Variants in HYDIN observed in about 807,000 individuals in gnomAD.
HYDIN encodes the protein HYDIN axonemal central pair apparatus protein, also known as axonemal central pair apparatus protein HYDIN.
In HYDIN, 132 loss-of-function variants were observed where a neutral mutation model predicts 403.9. The ratio of observed to expected loss-of-function variants is 0.33; its 90% CI spans 0.28 to 0.38. HYDIN has a LOEUF of 0.38. HYDIN is among the 10% of genes least tolerant of loss of function. The pLI is 1.00. For synonymous variants in HYDIN, 1,202 were observed against 1,891.7 expected (o/e 0.64, Z 9.46); for missense variants, 2,827 against 5,009.5 (o/e 0.56, Z 13.15).
chr16:71,061,924 T>C (rs944162760), intron 17 of HYDIN, among the ~76,000 whole-genome samples: 18 of 150,962 alleles, frequency 1.2e-4, no homozygotes, highest in African/African-American at 4.4e-4. Flanking sequence ...GAGAAACTCC[T>C]GGTATCCTGT....
At chr16:70,812,514 T>C (rs2143434226) in intron 84 of HYDIN, among the ~76,000 whole-genome samples, 1 of 152,116 alleles carries the variant, frequency 6.6e-6, no homozygotes, top group African/African-American at 2.4e-5. Flanking sequence ...AATAAGTGAA[T>C]TGTAAAAGAT....
At chr16:71,207,655 G>A (rs542099588) in intron 1 of HYDIN, among the ~76,000 whole-genome samples, 1 of 152,174 alleles carries the variant, frequency 6.6e-6, no homozygotes, top group South Asian at 2.1e-4. Context: ...AAGACCCAAT[G>A]GTATGCTGTC....
At chr16:70,985,543 G>A (rs1194686216) in intron 27 of HYDIN, among the ~76,000 whole-genome samples, 3 of 152,036 alleles carry the variant, frequency 2.0e-5, no homozygotes, top group Non-Finnish European at 2.9e-5. Context: ...TATGGCTGTG[G>A]GGCTGAGCAT....
At chr16:71,104,227 G>A (rs990731453) in intron 10 of HYDIN, among the ~76,000 whole-genome samples, 2 of 151,798 alleles carry the variant, frequency 1.3e-5, no homozygotes, top group Non-Finnish European at 2.9e-5. Flanking sequence ...TAGCCAGGGG[G>A]ATTCTGATAC....
At chr16:71,202,915 G>A (rs1227367573) in intron 1 of HYDIN, among the ~76,000 whole-genome samples, 1 of 152,058 alleles carries the variant, frequency 6.6e-6, no homozygotes, top group Non-Finnish European at 1.5e-5. Flanking sequence ...GCCAATCATA[G>A]TATCCTATAC....
chr16:71,203,320 C>G (rs1162531844), intron 1 of HYDIN, among the ~76,000 whole-genome samples: 2 of 152,134 alleles, frequency 1.3e-5, no homozygotes, highest in Non-Finnish European at 2.9e-5. Flanking sequence ...TTTGATTAAG[C>G]TGTATTGAAG....
At chr16:71,051,835 C>T (rs1343318007) in intron 18 of HYDIN, among the ~76,000 whole-genome samples, 2 of 152,004 alleles carry the variant, frequency 1.3e-5, no homozygotes, top group African/African-American at 4.8e-5. Context: ...TAAAAGTCTA[C>T]GAACAGAATT....
intron 1 of HYDIN, among the ~76,000 whole-genome samples, chr16:71,199,085 C>T (rs887080045): frequency 2.0e-5 from 3 of 152,226 alleles, no homozygotes; most frequent in East Asian, 1.9e-4. Context: ...ACTAATGAGA[C>T]GGCGTATCTT....
chr16:70,836,751 G>A (rs1408839561), intron 77 of HYDIN, among the ~76,000 whole-genome samples: 1 of 152,206 alleles, frequency 6.6e-6, no homozygotes, highest in East Asian at 1.9e-4. Context: ...AAAAAGGCAA[G>A]AGAGTCTGTC....
At position 71,021,310 on chromosome 16, in the gene HYDIN, G is replaced by A. The variant is rs528419117; in HGVS notation, c.3187-993C>T. Among the ~76,000 whole-genome samples, 151 of 150,700 alleles carry A rather than the reference G, an allele frequency of 1.0e-3. 2 individuals are homozygous for A. The highest frequency in any genetic ancestry group is 2.4e-3 in the African/African-American group (100 of 40,936). On this transcript the variant is annotated intron_variant, in intron 21 of 85. Coordinates refer to ENST00000393567, the MANE Select transcript of HYDIN (RefSeq NM_001270974.2). The stretch of plus-strand genomic sequence containing the variant: ...CAGCTCACTGCAACCTCTGCCTCTC[G>A]AGTACAAGTGATTCTCTTGCCTCAG...
intron 62 of HYDIN, among the ~76,000 whole-genome samples, chr16:70,877,356 C>T (rs1410133172): frequency 1.3e-5 from 2 of 151,718 alleles, no homozygotes; most frequent in Non-Finnish European, 2.9e-5. Flanking sequence ...CTAGTGAATT[C>T]TAACAAGGAT....
rs1419602241 is a variant in HYDIN at position 70,973,422 on chromosome 16, A to T, written c.5300T>A (p.Phe1767Tyr). 1 of 544,380 alleles carries T rather than the reference A, an allele frequency of 1.8e-6. No individual in the cohort carries two copies. The highest frequency in any genetic ancestry group is 2.1e-5 in the African/African-American group (1 of 48,616). 33.7% of individuals were successfully genotyped at this position (544,380 alleles called of 1,614,324 possible). ...GACTCCAGAAATGGGCTGGATTTCG[A>T]AGATCCGTGTCTTTGGCTTTAATTC... ...RAELKPKTRI[F>Y]EIQPISGVLD... The change falls in exon 35 of 86, where the codon TTC becomes TAC. Residue 1767 changes from phenylalanine to tyrosine, a missense_variant. Phe to Tyr is a conservative substitution (Grantham distance 22). Coordinates refer to ENST00000393567, the MANE Select transcript of HYDIN (RefSeq NM_001270974.2).
intron 19 of HYDIN, among the ~76,000 whole-genome samples, 159 bp from the exon 20 acceptor site, chr16:71,028,034 C>A (rs1328781932): frequency 7.1e-6 from 1 of 140,546 alleles, no homozygotes; most frequent in Non-Finnish European, 1.6e-5. Flanking sequence ...GTCACGATGC[C>A]ACTAGGAACT....
At chr16:71,130,152 T>C (rs558085859) in intron 8 of HYDIN, among the ~76,000 whole-genome samples, 543 of 151,428 alleles carry the variant, frequency 3.6e-3, no homozygotes, top group African/African-American at 0.013. Context: ...GCTTTTTAAA[T>C]ATTTAACATC....
At chr16:70,902,822 T>TATATATATATATATA (rs1491533720) in intron 52 of HYDIN, among the ~76,000 whole-genome samples, 10 of 17,204 alleles carry the variant, frequency 5.8e-4, no homozygotes, top group South Asian at 2.2e-3. Context: ...TATATATATA[T>TATATATATATATATA]TTTTTTTTTT....
chr16:70,984,384 TAAAAAAAA>T (rs71387558), intron 28 of HYDIN, among the ~76,000 whole-genome samples: 1 of 90,724 alleles, frequency 1.1e-5, no homozygotes, highest in Admixed American at 1.2e-4. Context: ...GACATGGTCT[TAAAAAAAA>T]AAAAAAAAAA....
intron 23 of HYDIN, among the ~76,000 whole-genome samples, chr16:71,016,993 C>T (rs1017757254): frequency 2.6e-5 from 4 of 151,140 alleles, no homozygotes; most frequent in African/African-American, 9.7e-5. Flanking sequence ...GTGGTTTCCC[C>T]CATGCTGTTC....
At chr16:70,847,871 C>G (rs2038324739) in intron 75 of HYDIN, among the ~76,000 whole-genome samples, 1 of 151,636 alleles carries the variant, frequency 6.6e-6, no homozygotes. Context: ...TATTCTTTCT[C>G]TTATTTTCTC....
chr16:70,994,709 G>T (rs892103709), intron 23 of HYDIN, among the ~76,000 whole-genome samples: 1 of 149,048 alleles, frequency 6.7e-6, no homozygotes, highest in Non-Finnish European at 1.5e-5. Flanking sequence ...AGGAGCTGCC[G>T]TGGGTAGGAA....
Sources: allele counts gnomAD v4.1 joint callset (sites outside exome capture counted in the v4.1 genomes callset), GRCh38; gene constraint gnomAD v4.1.1; transcripts MANE v1.5; gene names NCBI Gene and HGNC (gene_info 2026-07-23, HGNC 2026-07-21).